The following MMS22L variants were observed in gnomAD, a reference collection of about 807,000 sequenced individuals.
MMS22L encodes MMS22 like, DNA repair protein, also known as protein MMS22-like.
MMS22L carries 74 observed loss-of-function variants against 159.1 expected under a neutral mutation model. The ratio of observed to expected loss-of-function variants is 0.47; its 90% CI spans 0.39 to 0.56. MMS22L has a LOEUF of 0.56. MMS22L is among the 20% of genes least tolerant of loss of function. MMS22L has a pLI of 0.00. For synonymous variants in MMS22L, 517 were observed against 506.9 expected, an observed-to-expected ratio of 1.02 and a Z score of -0.27; for missense variants, 1,351 against 1,422.1, an observed-to-expected ratio of 0.95 and a Z score of 0.80.
chr6:97,178,350 T>C (rs1804331644), intron 18 of MMS22L, 93 bp downstream of exon 18: 1 of 966,032 alleles, frequency 1.0e-6, no homozygotes, highest in African/African-American at 1.7e-5. Context: ...TTTATAAGAA[T>C]TCATTTTATA....
At chr6:97,227,772 G>A (rs890722182) in intron 14 of MMS22L, among the ~76,000 whole-genome samples, 3 of 152,300 alleles carry the variant, frequency 2.0e-5, no homozygotes, top group African/African-American at 7.2e-5. Context: ...CATTTTCTGT[G>A]ACAGTGAGTA....
intron 9 of MMS22L, among the ~76,000 whole-genome samples, chr6:97,262,478 C>CTA (rs1272897704): frequency 1.3e-5 from 2 of 151,894 alleles, no homozygotes; most frequent in Admixed American, 1.3e-4. Context: ...AACCCCATCT[C>CTA]TACCAAAAAT....
chr6:97,275,250 C>T (rs551661028), intron 4 of MMS22L, among the ~76,000 whole-genome samples: 37 of 152,248 alleles, frequency 2.4e-4, no homozygotes, highest in Non-Finnish European at 4.1e-4. Flanking sequence ...AATTATTGGC[C>T]GGGCATGGTG....
intron 3 of MMS22L, 123 bp downstream of exon 3, chr6:97,281,114 C>T: frequency 1.1e-6 from 1 of 908,000 alleles, no homozygotes; most frequent in South Asian, 2.2e-5. Flanking sequence ...GTAAGATAAT[C>T]AAGTGAGCAA....
At chr6:97,256,908 C>T (rs560852759) in intron 9 of MMS22L, among the ~76,000 whole-genome samples, 1 of 152,306 alleles carries the variant, frequency 6.6e-6, no homozygotes, top group South Asian at 2.1e-4. Context: ...GACCACACTA[C>T]TGCACTCCAG....
intron 15 of MMS22L, 68 bp from the exon 16 acceptor site, chr6:97,182,122 T>G: frequency 1.6e-6 from 2 of 1,239,794 alleles, no homozygotes; most frequent in Non-Finnish European, 2.2e-6. Context: ...CACACACCCC[T>G]GGCCAATTAT....
chr6:97,195,238 A>G (rs972238296), intron 14 of MMS22L, among the ~76,000 whole-genome samples: 4 of 152,192 alleles, frequency 2.6e-5, no homozygotes, highest in Non-Finnish European at 5.9e-5. Context: ...ACAGTTTCAC[A>G]GACTCAAGGA....
intron 4 of MMS22L, among the ~76,000 whole-genome samples, chr6:97,274,031 C>T (rs1204705010): frequency 6.6e-6 from 1 of 152,196 alleles, no homozygotes; most frequent in Non-Finnish European, 1.5e-5. Context: ...CCCAACCTCA[C>T]TCCATGTCAG....
At chr6:97,252,644 CAAAAA>C (rs377388849) in intron 10 of MMS22L, among the ~76,000 whole-genome samples, 1 of 80,022 alleles carries the variant, frequency 1.2e-5, no homozygotes, top group Non-Finnish European at 2.6e-5. Flanking sequence ...GACTCCATCT[CAAAAA>C]AAAAAAAAAA....
chr6:97,279,254 C>A (rs1003618757), intron 3 of MMS22L, among the ~76,000 whole-genome samples: 1 of 152,000 alleles, frequency 6.6e-6, no homozygotes, highest in Non-Finnish European at 1.5e-5. Flanking sequence ...GAGGCCGAGG[C>A]GGGCGGATTA....
chr6:97,272,884 A>G lies in MMS22L; in HGVS notation c.429-3T>C. The G allele has an allele frequency of 6.2e-7, 1 of 1,609,192 alleles. No individual in the cohort carries two copies. On this transcript the variant is annotated splice_region_variant and splice_polypyrimidine_tract_variant and intron_variant, in intron 5 of 24. Transcript: ENST00000683635. ...CAGCATTCTGTACTTTCAGATACCT[A>G]AAAAATAATTAGATAAAATAAACAA... is the stretch of plus-strand genomic sequence containing the variant.
At chr6:97,275,933 G>A (rs1038857317) in intron 4 of MMS22L, among the ~76,000 whole-genome samples, 1 of 152,132 alleles carries the variant, frequency 6.6e-6, no homozygotes, top group Non-Finnish European at 1.5e-5. Context: ...GAGCCCAGGA[G>A]GTCAAGGCTG....
At position 97,181,959 on chromosome 6, in the gene MMS22L, C is replaced by T; in HGVS notation, c.2329G>A (p.Asp777Asn). ...ISIIQLFGWD[D>N]IICPQVVARY... is the part of the protein sequence containing the mutation. ...GCTACAACTTGAGGGCAGATGATAT[C>T]ATCCCAACCAAAAAGTTGAATAATT... The change falls in exon 16 of 25, where the codon GAT becomes AAT. Residue 777 changes from aspartate to asparagine, a missense_variant. Physicochemically the swap from Asp to Asn is conservative, Grantham distance 23. Transcript: ENST00000683635. 6.2e-7 allele frequency: 1 copy of T among 1,613,614 alleles called. No homozygotes were observed. Among genetic ancestry groups the T allele is most frequent in the South Asian group, 1.1e-5 (1 of 91,018 alleles).
intron 7 of MMS22L, 103 bp downstream of exon 7, chr6:97,269,799 G>A (rs1366004790): frequency 1.3e-6 from 1 of 790,618 alleles, no homozygotes; most frequent in Non-Finnish European, 1.9e-6. Flanking sequence ...TTTACTATTT[G>A]ATTTTTTTTT....
Position 97,249,142 on chromosome 6 carries a change from TAATGG to T in MMS22L, c.1120-2457_1120-2453del, listed in dbSNP as rs1335865179. 2.0e-5 allele frequency among the ~76,000 whole-genome samples: 3 copies of T among 152,280 alleles called. No homozygotes were observed. In the East Asian group the frequency reaches 5.8e-4, roughly 29 times the overall value. On this transcript the variant is annotated intron_variant, in intron 10 of 24. Coordinates refer to ENST00000683635, the MANE Select transcript of MMS22L (RefSeq NM_001350599.2). ...AGCAATTCAGTAGTCCACCCCTACA[TAATGG>T]AACTCCCATAAAAATTATGAACATT...
At chr6:97,223,015 T>A (rs1269274498) in intron 14 of MMS22L, among the ~76,000 whole-genome samples, 2 of 152,112 alleles carry the variant, frequency 1.3e-5, no homozygotes, top group Non-Finnish European at 2.9e-5. Flanking sequence ...CATTCGAAGT[T>A]TTAAACATAG....
intron 14 of MMS22L, among the ~76,000 whole-genome samples, chr6:97,200,307 A>G (rs1807003255): frequency 6.6e-6 from 1 of 152,088 alleles, no homozygotes; most frequent in Non-Finnish European, 1.5e-5. Context: ...TAGAGATGCT[A>G]TTTACCACTT....
At chr6:97,270,032 A>G (rs2128088772) in intron 6 of MMS22L, 40 bp from the exon 7 acceptor site, 2 of 1,475,520 alleles carry the variant, frequency 1.4e-6, no homozygotes, top group South Asian at 2.3e-5. Flanking sequence ...GAATTCATTA[A>G]TATTTTACTA....
chr6:97,244,373 G>C (rs1445263151), intron 11 of MMS22L, among the ~76,000 whole-genome samples: 1 of 152,174 alleles, frequency 6.6e-6, no homozygotes, highest in African/African-American at 2.4e-5. Context: ...GAGAAAGACT[G>C]TTGATAGTTA....
Sources: gnomAD v4.1 joint callset for allele counts (sites outside exome capture counted in the v4.1 genomes callset) on GRCh38, gnomAD v4.1.1 for gene constraint, MANE v1.5 for transcripts, NCBI Gene and HGNC (gene_info 2026-07-23, HGNC 2026-07-21) for gene names.